The following CLEC20A variants were observed in gnomAD, a reference collection of about 807,000 sequenced individuals.
The protein encoded by CLEC20A is C-type lectin domain containing 20A.
intron 7 of CLEC20A, chr1:178,480,816 A>G (rs985849218): frequency 6.6e-6 from 1 of 151,946 alleles, no homozygotes; most frequent in Admixed American, 6.6e-5. Context: ...AGTAAACAAC[A>G]TAGAGAACTC....
At chr1:178,494,097 T>C (rs7528053) in intron 2 of CLEC20A, among the ~76,000 whole-genome samples, 7,029 of 152,258 alleles carry the variant, frequency 0.046, 575 homozygotes, top group African/African-American at 0.16. Context: ...CATTTGCTAT[T>C]GAAAACCAAC....
chr1:178,484,278 G>A (rs1649076372), intron 5 of CLEC20A: 1 of 152,230 alleles, frequency 6.6e-6, no homozygotes, highest in South Asian at 2.1e-4. Context: ...TCTGATACCA[G>A]AGTGGTAGCC....
upstream of CLEC20A, chr1:178,497,152 A>AT (rs1306192946): frequency 2.5e-6 from 1 of 394,336 alleles, no homozygotes; most frequent in Non-Finnish European, 4.5e-6. Flanking sequence ...GAGGTGCTGG[A>AT]GATGCGGCCT....
exon 6 of CLEC20A, chr1:178,483,192 G>A (rs1360606404): frequency 6.3e-5 from 25 of 398,514 alleles, no homozygotes; most frequent in Non-Finnish European, 8.8e-5. Context: ...TTGTGCTGAT[G>A]TTTTTTCTTT....
chr1:178,496,926 G>A (rs751288998), exon 1 of CLEC20A: 27 of 399,618 alleles, frequency 6.8e-5, no homozygotes, highest in Admixed American at 2.6e-4. Flanking sequence ...GAGCAGCAGC[G>A]CCCGGGGCAG....
intron 5 of CLEC20A, chr1:178,486,631 G>A (rs943318172): frequency 3.5e-5 from 14 of 398,636 alleles, no homozygotes; most frequent in Non-Finnish European, 5.7e-5. Context: ...GGCAGACCCA[G>A]GGGGTGCTGC....
At position 178,486,355 on chromosome 1, in the gene CLEC20A, G is replaced by A. The variant is rs1325811737; in HGVS notation, c.928+2146C>T. 10 of 398,214 alleles carry A rather than the reference G, an allele frequency of 2.5e-5. No homozygotes were observed. In the East Asian group the frequency reaches 3.2e-4, roughly 13 times the overall value. The allele number at this position is 398,214 out of a possible 1,614,324, so 24.7% of individuals were successfully genotyped here. Reference sequence around the variant, plus strand: ...CTACTCATGGAAGCCAGGCCTGGTCGCCCCAAGAGAGGAACTCCCCAAGAT... The same window carrying A: ...CTACTCATGGAAGCCAGGCCTGGTCACCCCAAGAGAGGAACTCCCCAAGAT... On this transcript the variant is annotated intron_variant, in intron 5 of 7. Coordinates refer to ENST00000623247, the Ensembl canonical transcript of CLEC20A.
At chr1:178,499,123 T>G (rs1649467648), upstream of CLEC20A, among the ~76,000 whole-genome samples, 1 of 152,128 alleles carries the variant, frequency 6.6e-6, no homozygotes, top group Non-Finnish European at 1.5e-5. Flanking sequence ...TCACCCCAGC[T>G]CAGGCCCAGC....
intron 3 of CLEC20A, among the ~76,000 whole-genome samples, chr1:178,491,967 C>T (rs1404129194): frequency 6.6e-6 from 1 of 152,012 alleles, no homozygotes; most frequent in African/African-American, 2.4e-5. Context: ...AGCCAGTCAC[C>T]CTCCCCTCTG....
intron 4 of CLEC20A, 84 bp downstream of exon 4, chr1:178,489,988 G>A: frequency 2.5e-6 from 1 of 398,082 alleles, no homozygotes. Context: ...TATCCTCAAT[G>A]TCATCTGCTG....
intron 2 of CLEC20A, among the ~76,000 whole-genome samples, chr1:178,493,074 C>T (rs1276540845): frequency 6.6e-6 from 1 of 152,098 alleles, no homozygotes; most frequent in Non-Finnish European, 1.5e-5. Context: ...TTTTAGGGGT[C>T]AAGGGCAGAC....
chr1:178,492,689 C>T (rs1047903020), intron 2 of CLEC20A, 123 bp from the exon 3 acceptor site: 1 of 397,424 alleles, frequency 2.5e-6, no homozygotes, highest in African/African-American at 2.1e-5. Flanking sequence ...TCCCTTTCCA[C>T]ATCGATTCAA....
chr1:178,484,109 T>G (rs1649069139), intron 5 of CLEC20A: 1 of 152,226 alleles, frequency 6.6e-6, no homozygotes, highest in African/African-American at 2.4e-5. Context: ...ATTACGTTGT[T>G]TCCACCTTTT....
At chr1:178,484,712 A>C (rs1649090252) in intron 5 of CLEC20A, 1 of 152,188 alleles carries the variant, frequency 6.6e-6, no homozygotes, top group Non-Finnish European at 1.5e-5. Context: ...AAAGCAAAAA[A>C]AAGTAAGCAT....
At chr1:178,488,276 A>T (rs1649196204) in intron 5 of CLEC20A, among the ~76,000 whole-genome samples, 1 of 152,202 alleles carries the variant, frequency 6.6e-6, no homozygotes, top group South Asian at 2.1e-4. Context: ...AGGGAGTTTG[A>T]TGTGGCCCAG....
intron 3 of CLEC20A, among the ~76,000 whole-genome samples, chr1:178,490,999 G>C (rs545343933): frequency 6.6e-6 from 1 of 152,192 alleles, no homozygotes; most frequent in Non-Finnish European, 1.5e-5. Flanking sequence ...ACCGTGCCTG[G>C]AGAGCCAGGG....
intron 6 of CLEC20A, chr1:178,482,759 A>G (rs1026422999): frequency 9.4e-6 from 2 of 213,662 alleles, no homozygotes; most frequent in African/African-American, 4.5e-5. Flanking sequence ...CACCACAGAA[A>G]ATTCTAAAGA....
At chr1:178,482,354 A>T (rs1409784308) in exon 7 of CLEC20A, 2 of 398,476 alleles carry the variant, frequency 5.0e-6, no homozygotes, top group Non-Finnish European at 8.8e-6. Flanking sequence ...GGTCCATCAG[A>T]GTTGAGATGG....
intron 2 of CLEC20A, chr1:178,493,409 A>T (rs1649312751): frequency 6.6e-6 from 1 of 152,472 alleles, no homozygotes; most frequent in Non-Finnish European, 1.5e-5. Context: ...AGAGGTGAGG[A>T]TGGCACAGAG....
Sources: gnomAD v4.1 joint callset for allele counts (sites outside exome capture counted in the v4.1 genomes callset) on GRCh38, gnomAD v4.1.1 for gene constraint, MANE v1.5 for transcripts, NCBI Gene and HGNC (gene_info 2026-07-23, HGNC 2026-07-21) for gene names.